The following RASEF variants were observed in gnomAD, a reference collection of about 807,000 sequenced individuals.
RASEF encodes the protein ras and EF-hand domain-containing protein.
RASEF carries 68 observed loss-of-function variants against 90.1 expected under a neutral mutation model. The ratio of observed to expected loss-of-function variants is 0.75; its 90% CI spans 0.62 to 0.92. The LOEUF is 0.92. RASEF is among the 40% of genes least tolerant of loss of function. RASEF has a pLI of 0.00. For missense variants in RASEF, 949 were observed against 937.2 expected (o/e 1.01, Z -0.16); for synonymous variants, 331 against 345.2 (o/e 0.96, Z 0.46).
chr9:83,095,642 A>G, the RASEF span, among the ~76,000 whole-genome samples: 5 of 152,066 alleles, frequency 3.3e-5, no homozygotes, highest in East Asian at 9.7e-4. Context: ...CAAAATACCT[A>G]ATTTGTATAT....
chr9:83,162,244 T>C, the RASEF span, among the ~76,000 whole-genome samples: 11 of 152,122 alleles, frequency 7.2e-5, no homozygotes, highest in African/African-American at 2.7e-4. Context: ...CAATTAAACG[T>C]GTCAATAATT....
the RASEF span, among the ~76,000 whole-genome samples, chr9:83,191,332 G>T: frequency 0.25 from 38,038 of 152,016 alleles, 7,975 homozygotes; most frequent in African/African-American, 0.54. Flanking sequence ...CATCTTAGTT[G>T]GATTATGTTT....
the RASEF span, among the ~76,000 whole-genome samples, chr9:83,112,007 T>C: frequency 2.8e-4 from 43 of 151,722 alleles, no homozygotes; most frequent in Non-Finnish European, 4.6e-4. Flanking sequence ...ATTTGAAGAG[T>C]AGAGGCAAAT....
At chr9:83,132,651 T>G in the RASEF span, among the ~76,000 whole-genome samples, 1 of 152,160 alleles carries the variant, frequency 6.6e-6, no homozygotes, top group Non-Finnish European at 1.5e-5. Flanking sequence ...TCAGAGGCTT[T>G]CATATGCTAA....
chr9:83,017,851 C>T (rs1829371471), intron 3 of RASEF, among the ~76,000 whole-genome samples: 1 of 152,152 alleles, frequency 6.6e-6, no homozygotes, highest in African/African-American at 2.4e-5. Flanking sequence ...TACATCATAA[C>T]TAATTAGGGC....
rs575542030 is a variant in RASEF, at chr9:82,982,424, T to C, written c.*253A>G. The stretch of plus-strand genomic sequence containing the variant: ...CTTTTTTTTTACCATTTTAAAAACA[T>C]TTACATGTTATCTTTTAAGACCTGT... On this transcript the variant is annotated 3_prime_UTR_variant, in exon 17 of 17. Transcript: ENST00000376447. The C allele has an allele frequency of 4.0e-5, 11 of 276,574 alleles. No homozygotes were observed. The South Asian group carries it at 7.9e-4, about 20-fold the overall frequency. 17.1% of individuals were successfully genotyped at this position (276,574 alleles called of 1,614,324 possible).
intron 1 of RASEF, among the ~76,000 whole-genome samples, chr9:83,048,967 T>C (rs940365924): frequency 2.8e-4 from 42 of 151,860 alleles, no homozygotes; most frequent in African/African-American, 1.0e-3. Context: ...GTACTAAAAA[T>C]ACAAAAATTA....
At chr9:83,100,308 T>G in the RASEF span, among the ~76,000 whole-genome samples, 1 of 152,170 alleles carries the variant, frequency 6.6e-6, no homozygotes, top group Admixed American at 6.5e-5. Context: ...CAGAGAGCAT[T>G]CAAGGCAAGA....
intron 3 of RASEF, among the ~76,000 whole-genome samples, chr9:83,017,108 C>A (rs1333853210): frequency 6.6e-6 from 1 of 152,110 alleles, no homozygotes; most frequent in African/African-American, 2.4e-5. Flanking sequence ...GGCAGCCTTC[C>A]TGGCCTCAAA....
the RASEF span, among the ~76,000 whole-genome samples, chr9:83,093,453 G>T: frequency 6.6e-6 from 1 of 152,248 alleles, no homozygotes; most frequent in East Asian, 1.9e-4. Context: ...CGGGAAGGCA[G>T]CTAAGGCCTG....
chr9:83,075,850 T>C, the RASEF span, among the ~76,000 whole-genome samples: 1 of 151,284 alleles, frequency 6.6e-6, no homozygotes, highest in Non-Finnish European at 1.5e-5. Flanking sequence ...TAAGACAAAC[T>C]AGATAAGTCA....
At chr9:83,109,742 A>C in the RASEF span, among the ~76,000 whole-genome samples, 1 of 152,190 alleles carries the variant, frequency 6.6e-6, no homozygotes, top group Non-Finnish European at 1.5e-5. Flanking sequence ...GTTAATCAAA[A>C]ATTGTCATTT....
At chr9:83,138,665 T>C in the RASEF span, among the ~76,000 whole-genome samples, 1 of 152,154 alleles carries the variant, frequency 6.6e-6, no homozygotes, top group African/African-American at 2.4e-5. Flanking sequence ...TTGGCTATTT[T>C]CCTATTTGAA....
At chr9:83,042,753 C>T (rs905093647) in intron 1 of RASEF, among the ~76,000 whole-genome samples, 3 of 151,896 alleles carry the variant, frequency 2.0e-5, no homozygotes, top group African/African-American at 7.3e-5. Flanking sequence ...AAAAGAAAAA[C>T]AGCCTCTGAG....
At chr9:83,070,983 C>A in the RASEF span, among the ~76,000 whole-genome samples, 2 of 152,156 alleles carry the variant, frequency 1.3e-5, no homozygotes, top group Admixed American at 6.6e-5. Flanking sequence ...TGAGGCCTTG[C>A]TAAACTCACT....
At chr9:83,038,785 A>G (rs1416262194) in intron 1 of RASEF, among the ~76,000 whole-genome samples, 1 of 152,208 alleles carries the variant, frequency 6.6e-6, no homozygotes, top group Non-Finnish European at 1.5e-5. Context: ...AAATTATATA[A>G]TTTAAAGTAT....
In RASEF at chr9:83,053,835, T is replaced by C. The variant is rs1200741706; in HGVS notation, c.431+8602A>G. 3.1e-3 allele frequency among the ~76,000 whole-genome samples: 315 copies of C among 103,232 alleles called. 8 individuals are homozygous for C. The highest frequency in any genetic ancestry group is 0.013 in the African/African-American group (289 of 21,596). 67.7% of individuals were successfully genotyped at this position (103,232 alleles called of 152,430 possible). A position where few individuals can be genotyped will look rare whatever the true frequency, so the allele number is the denominator to read the frequency against. ...GTTTGGCTGGATATGAAATTCTGGG[T>C]TGAAAATTCTTTTCTTTAAGAATGT... On this transcript the variant is annotated intron_variant, in intron 1 of 16. Coordinates refer to ENST00000376447, the MANE Select transcript of RASEF (RefSeq NM_152573.4).
the RASEF span, among the ~76,000 whole-genome samples, chr9:83,177,604 G>T: frequency 1.4e-5 from 2 of 139,958 alleles, no homozygotes; most frequent in African/African-American, 5.5e-5. Context: ...TATGTGATGT[G>T]TCATTTAGTT....
intron 15 of RASEF, among the ~76,000 whole-genome samples, chr9:82,990,946 T>C (rs1470817658): frequency 1.3e-5 from 2 of 152,216 alleles, no homozygotes; most frequent in East Asian, 3.9e-4. Flanking sequence ...TTCTCTATTA[T>C]TCAACCTCCC....
Sources: gnomAD v4.1 joint callset for allele counts (sites outside exome capture counted in the v4.1 genomes callset) on GRCh38, gnomAD v4.1.1 for gene constraint, MANE v1.5 for transcripts, NCBI Gene and HGNC (gene_info 2026-07-23, HGNC 2026-07-21) for gene names.